The following KLHL1 variants were observed in gnomAD, a reference collection of about 807,000 sequenced individuals.
The protein encoded by KLHL1 is kelch-like protein 1.
A neutral mutation model predicts 77.7 loss-of-function variants in KLHL1; 47 were observed. The observed-to-expected ratio is 0.60, with a 90% CI of 0.48 to 0.77. The LOEUF (loss-of-function observed/expected upper bound fraction) is 0.77. Ranked by LOEUF, KLHL1 falls within the 30% of genes least tolerant of loss-of-function variation. The pLI is 0.00. For missense variants in KLHL1, 925 were observed against 910.8 expected (o/e 1.02, Z -0.20); for synonymous variants, 360 against 325.2 (o/e 1.11, Z -1.15).
intron 1 of KLHL1, among the ~76,000 whole-genome samples, chr13:70,044,560 C>T (rs542165673): frequency 6.6e-6 from 1 of 151,620 alleles, no homozygotes; most frequent in East Asian, 1.9e-4. Flanking sequence ...TTTTAAAATA[C>T]CCTATACCAA....
chr13:69,927,174 C>T (rs1433080373), intron 4 of KLHL1, among the ~76,000 whole-genome samples: 1 of 151,960 alleles, frequency 6.6e-6, no homozygotes, highest in African/African-American at 2.4e-5. Flanking sequence ...TGTGCTGTTA[C>T]ACACGCAAAA....
intron 1 of KLHL1, among the ~76,000 whole-genome samples, chr13:69,983,576 C>CAAAAAAAAAAAAAA (rs1282357751): frequency 2.5e-5 from 1 of 40,780 alleles, no homozygotes; most frequent in African/African-American, 1.1e-4. Flanking sequence ...CCTATCTTTA[C>CAAAAAAAAAAAAAA]AAAAAAAAAA....
intron 5 of KLHL1, among the ~76,000 whole-genome samples, chr13:69,878,479 G>A (rs1880850433): frequency 6.6e-6 from 1 of 151,934 alleles, no homozygotes; most frequent in Admixed American, 6.6e-5. Context: ...ATTAGACCAA[G>A]TACTGTTTCC....
At chr13:70,010,823 C>A (rs1885515993) in intron 1 of KLHL1, among the ~76,000 whole-genome samples, 1 of 151,584 alleles carries the variant, frequency 6.6e-6, no homozygotes, top group Non-Finnish European at 1.5e-5. Flanking sequence ...ACCCAAGAGG[C>A]AGAGGTTGCA....
chr13:70,029,357 C>T (rs1025479100), intron 1 of KLHL1, among the ~76,000 whole-genome samples: 8 of 152,142 alleles, frequency 5.3e-5, no homozygotes, highest in Non-Finnish European at 8.8e-5. Flanking sequence ...AACGTTGATT[C>T]TCCACTTTAC....
intron 7 of KLHL1, among the ~76,000 whole-genome samples, chr13:69,758,271 A>C (rs144293068): frequency 2.6e-5 from 4 of 152,108 alleles, no homozygotes; most frequent in African/African-American, 9.6e-5. Flanking sequence ...TGTATTATCA[A>C]TACAAAAGCT....
At chr13:69,878,193 A>G (rs191022956) in intron 5 of KLHL1, among the ~76,000 whole-genome samples, 2 of 152,318 alleles carry the variant, frequency 1.3e-5, no homozygotes, top group African/African-American at 4.8e-5. Context: ...ACTCCTTGCT[A>G]TAAAAGTACT....
chr13:69,805,366 G>A (rs1269296204), intron 6 of KLHL1, among the ~76,000 whole-genome samples: 1 of 151,882 alleles, frequency 6.6e-6, no homozygotes, highest in Non-Finnish European at 1.5e-5. Flanking sequence ...TCATTGAAAT[G>A]AGGAAGTACA....
intron 1 of KLHL1, among the ~76,000 whole-genome samples, chr13:70,076,234 T>C (rs1422848610): frequency 6.6e-6 from 1 of 151,938 alleles, no homozygotes; most frequent in African/African-American, 2.4e-5. Flanking sequence ...CTTCCAGACT[T>C]ACTAAAATCT....
chr13:69,876,432 T>A (rs1168956454), intron 5 of KLHL1, among the ~76,000 whole-genome samples: 1 of 152,220 alleles, frequency 6.6e-6, no homozygotes, highest in Admixed American at 6.5e-5. Flanking sequence ...TTGGAATAAT[T>A]TATTCAGCTT....
chr13:69,751,855 G>T (rs1206216960), intron 7 of KLHL1, among the ~76,000 whole-genome samples: 1 of 152,080 alleles, frequency 6.6e-6, no homozygotes, highest in Non-Finnish European at 1.5e-5. Flanking sequence ...TGCTTGTCCT[G>T]ATGTGATGCA....
intron 1 of KLHL1, among the ~76,000 whole-genome samples, chr13:69,985,666 GA>G (rs1884843866): frequency 6.6e-6 from 1 of 150,574 alleles, no homozygotes; most frequent in Non-Finnish European, 1.5e-5. Flanking sequence ...TGAATATGTT[GA>G]AAATACATCT....
intron 9 of KLHL1, among the ~76,000 whole-genome samples, chr13:69,712,681 C>T (rs1024707529): frequency 2.0e-5 from 3 of 150,220 alleles, no homozygotes; most frequent in Non-Finnish European, 4.4e-5. Flanking sequence ...CCAATATACA[C>T]ACAACCACAA....
At chr13:69,932,896 G>A (rs933355318) in intron 4 of KLHL1, among the ~76,000 whole-genome samples, 3 of 151,964 alleles carry the variant, frequency 2.0e-5, no homozygotes, top group African/African-American at 4.8e-5. Flanking sequence ...AGCAATTGAT[G>A]TGTTAATTAA....
chr13:70,054,466 A>G (rs1886697962), intron 1 of KLHL1, among the ~76,000 whole-genome samples: 1 of 152,086 alleles, frequency 6.6e-6, no homozygotes, highest in Non-Finnish European at 1.5e-5. Context: ...ATATATACGT[A>G]ACATTGATTT....
chr13:69,955,953 TATTTGATATTTATA>T lies in KLHL1; in HGVS notation c.817+5341_817+5354del, dbSNP rs1201628061. 6.1e-3 allele frequency among the ~76,000 whole-genome samples: 811 copies of T among 131,950 alleles called. 11 individuals carry two copies. The highest frequency in any genetic ancestry group is 0.022 in the African/African-American group (747 of 34,172). The allele number at this position is 131,950 out of a possible 152,430, so 86.6% of individuals were successfully genotyped here. A position where few individuals can be genotyped will look rare whatever the true frequency, so the allele number is the denominator to read the frequency against. ...TATATTTGATATATATTTATATATA[TATTTGATATTTATA>T]TATTTGATATATATTTATATATTTA... On this transcript the variant is annotated intron_variant, in intron 3 of 10. Coordinates refer to ENST00000377844, the MANE Select transcript of KLHL1 (RefSeq NM_020866.3).
intron 7 of KLHL1, among the ~76,000 whole-genome samples, chr13:69,751,116 G>A (rs1239720186): frequency 1.3e-5 from 1 of 78,470 alleles, no homozygotes; most frequent in Non-Finnish European, 3.0e-5. Flanking sequence ...GTGTGTATGT[G>A]TGTGTGTGTG....
intron 6 of KLHL1, among the ~76,000 whole-genome samples, chr13:69,800,328 A>G (rs1016275599): frequency 2.6e-5 from 4 of 152,174 alleles, no homozygotes; most frequent in South Asian, 2.1e-4. Flanking sequence ...ACATATTCAC[A>G]GGTTCCAGGG....
intron 1 of KLHL1, among the ~76,000 whole-genome samples, chr13:69,978,197 G>T (rs541320267): frequency 6.6e-6 from 1 of 152,034 alleles, no homozygotes; most frequent in Admixed American, 6.5e-5. Flanking sequence ...AATATGCATT[G>T]CAGGGTGCAT....
Sources: gnomAD v4.1 joint callset for allele counts (sites outside exome capture counted in the v4.1 genomes callset) on GRCh38, gnomAD v4.1.1 for gene constraint, MANE v1.5 for transcripts, NCBI Gene and HGNC (gene_info 2026-07-23, HGNC 2026-07-21) for gene names.